ZC3H12B: variants seen among roughly 807,000 people sequenced by gnomAD.
ZC3H12B encodes zinc finger CCCH-type containing 12B, also known as probable ribonuclease ZC3H12B.
Under a neutral mutation model 43.9 loss-of-function variants are expected in ZC3H12B, and 7 were observed. The observed-to-expected ratio is 0.16, with a 90% confidence interval of 0.09 to 0.30. The LOEUF (loss-of-function observed/expected upper bound fraction) is 0.30, where lower values mean the gene tolerates loss of function less well. Ranked by LOEUF, ZC3H12B falls within the 10% of genes least tolerant of loss-of-function variation. The pLI is 1.00. For synonymous variants in ZC3H12B, 222 were observed against 241.7 expected, an observed-to-expected ratio of 0.92 and a Z score of 0.76; for missense variants, 475 against 670.2, an observed-to-expected ratio of 0.71 and a Z score of 3.22.
the ZC3H12B span, among the ~76,000 whole-genome samples, chrX:65,112,852 G>A: frequency 2.7e-5 from 3 of 111,845 alleles, no homozygotes. Context: ...ACAGCCTGTG[G>A]ATCAATGAGT....
chrX:65,042,703 G>A, the ZC3H12B span, among the ~76,000 whole-genome samples: 1 of 112,038 alleles, frequency 8.9e-6, no homozygotes. Context: ...CTTGATTAAG[G>A]ATTTTTGGTT....
the ZC3H12B span, among the ~76,000 whole-genome samples, chrX:65,202,969 C>T: frequency 9.1e-6 from 1 of 110,091 alleles, no homozygotes; most frequent in Non-Finnish European, 1.9e-5. Context: ...AAAACAAAGT[C>T]CTTCCCACTC....
the ZC3H12B span, among the ~76,000 whole-genome samples, chrX:65,180,935 A>G: frequency 2.7e-5 from 3 of 111,500 alleles, no homozygotes; most frequent in Admixed American, 9.6e-5. Context: ...AAACGAGTCC[A>G]TGGAGCCAAG....
At chrX:65,113,131 A>T in the ZC3H12B span, among the ~76,000 whole-genome samples, 3 of 111,230 alleles carry the variant, frequency 2.7e-5, no homozygotes, top group East Asian at 8.6e-4. Context: ...TGTTGATGTG[A>T]TGGAGATAGC....
the ZC3H12B span, among the ~76,000 whole-genome samples, chrX:65,292,309 G>A: frequency 1.8e-5 from 2 of 112,146 alleles, no homozygotes; most frequent in African/African-American, 3.2e-5. Context: ...AAAAAAGAAT[G>A]AGATCATGTC....
chrX:65,422,943 T>TTTTTTTTTTTTTTG, intron 3 of ZC3H12B, among the ~76,000 whole-genome samples: 1 of 90,686 alleles, frequency 1.1e-5, no homozygotes, highest in Non-Finnish European at 2.2e-5. Context: ...TTTTTTTTTT[T>TTTTTTTTTTTTTTG]TTTTTTTGAG....
chrX:65,381,045 A>G (rs948859103), intron 2 of ZC3H12B, among the ~76,000 whole-genome samples: 1 of 111,266 alleles, frequency 9.0e-6, no homozygotes, highest in Non-Finnish European at 1.9e-5. Context: ...ACAGATCAAC[A>G]AGACAGAAAG....
At chrX:65,346,739 G>A in the ZC3H12B span, among the ~76,000 whole-genome samples, 1 of 112,232 alleles carries the variant, frequency 8.9e-6, no homozygotes, top group African/African-American at 3.2e-5. Context: ...GGCTGCTGTG[G>A]CCAGACTGCC....
the ZC3H12B span, among the ~76,000 whole-genome samples, chrX:65,330,630 G>C: frequency 9.0e-6 from 1 of 111,548 alleles, no homozygotes; most frequent in Non-Finnish European, 1.9e-5. Flanking sequence ...GTTGAATTTT[G>C]TCAAAGGCCT....
chrX:65,086,471 G>A, the ZC3H12B span, among the ~76,000 whole-genome samples: 2 of 111,088 alleles, frequency 1.8e-5, no homozygotes, highest in African/African-American at 6.6e-5. Flanking sequence ...CACTGCTGTG[G>A]TCTGAATGTT....
chrX:65,252,599 A>G, the ZC3H12B span, among the ~76,000 whole-genome samples: 1 of 111,847 alleles, frequency 8.9e-6, no homozygotes. Flanking sequence ...TAGTGAACTC[A>G]GACTGTTTCT....
At chrX:65,211,749 A>C in the ZC3H12B span, among the ~76,000 whole-genome samples, 1 of 84,790 alleles carries the variant, frequency 1.2e-5, no homozygotes, top group African/African-American at 4.5e-5. Context: ...TATATTATAT[A>C]ATATATTATA....
At chrX:65,259,664 A>T in the ZC3H12B span, among the ~76,000 whole-genome samples, 1 of 112,133 alleles carries the variant, frequency 8.9e-6, no homozygotes, top group Non-Finnish European at 1.9e-5. Flanking sequence ...CAGTGTAGAG[A>T]TTCCTTTAAA....
chrX:65,124,765 T>A, the ZC3H12B span, among the ~76,000 whole-genome samples: 1 of 111,052 alleles, frequency 9.0e-6, no homozygotes, highest in Non-Finnish European at 1.9e-5. Context: ...TTTCTAGTAT[T>A]TGCATGTAAA....
At chrX:65,476,011 A>C (rs1016269813) in intron 3 of ZC3H12B, among the ~76,000 whole-genome samples, 2 of 112,372 alleles carry the variant, frequency 1.8e-5, no homozygotes, top group Admixed American at 1.9e-4. Flanking sequence ...AATCCACTAC[A>C]TGTCAAGATT....
chrX:65,173,421 C>G, the ZC3H12B span, among the ~76,000 whole-genome samples: 1 of 111,281 alleles, frequency 9.0e-6, no homozygotes, highest in Non-Finnish European at 1.9e-5. Context: ...ATTTTTTTCT[C>G]TTGCCTGATT....
chrX:65,432,272 G>A (rs1443639366), intron 3 of ZC3H12B, among the ~76,000 whole-genome samples: 2 of 111,570 alleles, frequency 1.8e-5, no homozygotes, highest in Non-Finnish European at 3.8e-5. Context: ...AGGTCGCATG[G>A]TAACTTGGTG....
the ZC3H12B span, among the ~76,000 whole-genome samples, chrX:65,130,295 G>C: frequency 9.0e-6 from 1 of 111,218 alleles, no homozygotes; most frequent in Non-Finnish European, 1.9e-5. Context: ...AAGTGGGCCC[G>C]TTATTGGACT....
the ZC3H12B span, among the ~76,000 whole-genome samples, chrX:65,354,884 G>A: frequency 1.8e-5 from 2 of 111,679 alleles, no homozygotes; most frequent in Admixed American, 9.5e-5. Context: ...CCAACTTAAT[G>A]AAATAAAGCT....
Sources: allele counts gnomAD v4.1 joint callset (sites outside exome capture counted in the v4.1 genomes callset), GRCh38; gene constraint gnomAD v4.1.1; transcripts MANE v1.5; gene names NCBI Gene and HGNC (gene_info 2026-07-23, HGNC 2026-07-21).